DPH6: variants seen among roughly 807,000 people sequenced by gnomAD.
The protein encoded by DPH6 is diphthamine biosynthesis 6.
Under a neutral mutation model 38.2 loss-of-function variants are expected in DPH6, and 33 were observed. The observed-to-expected ratio is 0.86, with a 90% CI of 0.65 to 1.15. The LOEUF (loss-of-function observed/expected upper bound fraction) is 1.15. Among genes scored for constraint, DPH6 ranks in the 50% most tolerant of loss-of-function variants. The pLI is 0.00. For missense variants in DPH6, 325 were observed against 320.0 expected (o/e 1.02, Z -0.12); for synonymous variants, 108 against 103.0 (o/e 1.05, Z -0.30).
chr15:35,538,129 T>C, intron 3 of DPH6, 145 bp downstream of exon 3: 2 of 633,074 alleles, frequency 3.2e-6, no homozygotes, highest in Middle Eastern at 4.9e-4. Flanking sequence ...TTGCAGTTTT[T>C]TTCTAACCAA....
intron 3 of DPH6, among the ~76,000 whole-genome samples, chr15:35,477,691 T>C (rs963802231): frequency 1.3e-5 from 2 of 151,920 alleles, no homozygotes; most frequent in Non-Finnish European, 2.9e-5. Flanking sequence ...ATCTCTAAAA[T>C]GTTTTCACTG....
chr15:35,372,412 G>C (rs2052725341), intron 8 of DPH6: 2 of 363,512 alleles, frequency 5.5e-6, no homozygotes, highest in South Asian at 2.2e-4. Flanking sequence ...TATTCGGGTA[G>C]AGCTGAACAT....
chr15:35,190,777 C>T, the DPH6 span, among the ~76,000 whole-genome samples: 4 of 152,200 alleles, frequency 2.6e-5, no homozygotes, highest in Non-Finnish European at 5.9e-5. Flanking sequence ...AAATTCCTCC[C>T]AAAGTTAGTT....
chr15:35,473,577 A>ATG (rs2054223298), intron 3 of DPH6, among the ~76,000 whole-genome samples: 1 of 152,128 alleles, frequency 6.6e-6, no homozygotes. Context: ...AGGTATATAT[A>ATG]TTGGTACGCA....
chr15:35,392,486 G>A (rs930116490), intron 6 of DPH6, among the ~76,000 whole-genome samples: 9 of 150,658 alleles, frequency 6.0e-5, no homozygotes, highest in African/African-American at 1.5e-4. Context: ...TACAAAAATC[G>A]CAATTTCATT....
intron 3 of DPH6, among the ~76,000 whole-genome samples, chr15:35,467,891 T>C (rs1280263155): frequency 1.3e-5 from 2 of 151,982 alleles, no homozygotes; most frequent in Non-Finnish European, 1.5e-5. Flanking sequence ...TAAAATGTTG[T>C]GCTATGACAT....
At chr15:35,147,015 TGTC>T in the DPH6 span, among the ~76,000 whole-genome samples, 2 of 152,190 alleles carry the variant, frequency 1.3e-5, no homozygotes, top group African/African-American at 4.8e-5. Context: ...CATATAACAG[TGTC>T]ACATTTATTG....
In DPH6 at chr15:35,410,847, A is replaced by C. The variant is rs772232998; in HGVS notation, c.555T>G (p.Pro185=). Residue 185 remains proline (P), a synonymous_variant, in exon 6 of 9, where the codon CCT becomes CCG. Coordinates refer to ENST00000256538, the MANE Select transcript of DPH6 (RefSeq NM_080650.4). ...HLGKTLDQME[P]YLIELSKKYG... ...TATAAATTCTTACCTCTATGAGATA[A>C]GGCTCCATTTGATCCAGGGTTTTCC... 1.9e-6 allele frequency: 3 copies of C among 1,602,090 alleles called. No individual in the cohort carries two copies. The highest frequency in any genetic ancestry group is 1.7e-4 in the Middle Eastern group (1 of 6,020).
At chr15:35,162,458 G>T in the DPH6 span, among the ~76,000 whole-genome samples, 2 of 151,742 alleles carry the variant, frequency 1.3e-5, no homozygotes, top group East Asian at 1.9e-4. Flanking sequence ...TTGTGTTCTT[G>T]CCTCAAAGCC....
At chr15:35,452,266 G>A (rs2053945450) in intron 4 of DPH6, among the ~76,000 whole-genome samples, 1 of 152,104 alleles carries the variant, frequency 6.6e-6, no homozygotes, top group Non-Finnish European at 1.5e-5. Flanking sequence ...ATGAATTAAA[G>A]GTAATATAGA....
At chr15:35,486,220 C>T (rs1358173902) in intron 3 of DPH6, among the ~76,000 whole-genome samples, 2 of 151,972 alleles carry the variant, frequency 1.3e-5, no homozygotes, top group African/African-American at 2.4e-5. Flanking sequence ...TCATGAGACT[C>T]GCTATCACAA....
intron 3 of DPH6, among the ~76,000 whole-genome samples, chr15:35,491,548 T>TACACACACACACACAC (rs71309445): frequency 4.6e-4 from 64 of 137,742 alleles, no homozygotes; most frequent in African/African-American, 1.5e-3. Flanking sequence ...CCAATAGGTG[T>TACACACACACACACAC]ACACACACAC....
At chr15:35,155,037 C>G in the DPH6 span, among the ~76,000 whole-genome samples, 4 of 152,164 alleles carry the variant, frequency 2.6e-5, no homozygotes, top group Non-Finnish European at 4.4e-5. Flanking sequence ...CTTCTTCCTT[C>G]CACATTTGAA....
chr15:35,169,188 A>G, the DPH6 span, among the ~76,000 whole-genome samples: 1 of 152,174 alleles, frequency 6.6e-6, no homozygotes, highest in East Asian at 1.9e-4. Context: ...AGATTAATCA[A>G]TATCATATTC....
chr15:35,285,645 G>T (rs935449172), intron 3 of DPH6, among the ~76,000 whole-genome samples: 5 of 151,968 alleles, frequency 3.3e-5, no homozygotes, highest in African/African-American at 1.2e-4. Flanking sequence ...TTTCTCTAAA[G>T]AAGTACTTTT....
chr15:35,332,116 T>G (rs16960786), intron 3 of DPH6, among the ~76,000 whole-genome samples: 49,395 of 152,034 alleles, frequency 0.32, 8,902 homozygotes, highest in African/African-American at 0.48. Context: ...AGGATGGAAA[T>G]TGATAAGACT....
intron 3 of DPH6, among the ~76,000 whole-genome samples, chr15:35,244,048 GTAA>G (rs1199030835): frequency 1.3e-5 from 2 of 152,124 alleles, no homozygotes; most frequent in African/African-American, 2.4e-5. Context: ...ATTCAGTATA[GTAA>G]TAAAAGCTCT....
In DPH6 at chr15:35,325,451, G is replaced by C. The variant is rs2052274745; in HGVS notation, n.200+48070C>G. The stretch of plus-strand genomic sequence containing the variant: ...GTATGAATACTTAATTTATGAGAAA[G>C]GTAACACTGCAGAACCCGGGAGAAA... On this transcript the variant is annotated intron_variant and non_coding_transcript_variant, in intron 3 of 3. Coordinates refer to the DPH6 transcript ENST00000560386. Among the ~76,000 whole-genome samples, 3 of 152,276 alleles carry C rather than the reference G, an allele frequency of 2.0e-5. No homozygotes were observed. The South Asian group carries it at 6.2e-4, about 32-fold the overall frequency.
intron 3 of DPH6, among the ~76,000 whole-genome samples, chr15:35,491,864 G>A (rs1268031508): frequency 6.6e-6 from 1 of 150,584 alleles, no homozygotes. Context: ...ATATGTATAT[G>A]TGTGTGTATA....
Sources: allele counts gnomAD v4.1 joint callset (sites outside exome capture counted in the v4.1 genomes callset), GRCh38; gene constraint gnomAD v4.1.1; transcripts MANE v1.5; gene names NCBI Gene and HGNC (gene_info 2026-07-23, HGNC 2026-07-21).